The following STRN variants were observed in gnomAD, a reference collection of about 807,000 sequenced individuals.
STRN encodes striatin.
STRN carries 53 observed loss-of-function variants against 96.3 expected under a neutral mutation model. The ratio of observed to expected loss-of-function variants is 0.55; its 90% CI spans 0.44 to 0.69. The LOEUF (loss-of-function observed/expected upper bound fraction) is 0.69, where lower values mean the gene tolerates loss of function less well. Ranked by LOEUF, STRN falls within the 30% of genes least tolerant of loss-of-function variation. The probability of loss-of-function intolerance (pLI) is 0.00; values close to 1 mark genes in which losing one functional copy is unlikely to be tolerated. For synonymous variants in STRN, 428 were observed against 355.9 expected, an observed-to-expected ratio of 1.20 and a Z score of -2.28; for missense variants, 987 against 963.9, an observed-to-expected ratio of 1.02 and a Z score of -0.32.
chr2:36,917,538 GAA>G (rs576754026), intron 2 of STRN, among the ~76,000 whole-genome samples: 2 of 88,666 alleles, frequency 2.3e-5, no homozygotes, highest in African/African-American at 3.4e-5. Context: ...ACAAAAAAAA[GAA>G]AAAAAAAAAA....
chr2:36,966,327 T>G lies in STRN; in HGVS notation c.137A>C (p.Gln46Pro), dbSNP rs928484736. ...GTGCAGGATCCCCGGGAGACTGTAC[T>G]GGGCTCGGGCCGCCCCCGCCGCAGC... is the stretch of plus-strand genomic sequence containing the variant. ...GAAAAGAARA[Q>P]YSLPGILHFL... is the part of the protein sequence containing the mutation. The change falls in exon 1 of 18, where the codon CAG becomes CCG. Residue 46 changes from glutamine to proline, a missense_variant. Transcript: ENST00000263918. 6.0e-6 allele frequency: 9 copies of G among 1,506,778 alleles called. No homozygotes were observed. Among genetic ancestry groups the G allele is most frequent in the Non-Finnish European group, 8.0e-6 (9 of 1,129,728 alleles). 93.3% of individuals were successfully genotyped at this position (1,506,778 alleles called of 1,614,324 possible).
chr2:36,953,418 T>C (rs1457483074), intron 1 of STRN, among the ~76,000 whole-genome samples: 1 of 151,614 alleles, frequency 6.6e-6, no homozygotes, highest in Non-Finnish European at 1.5e-5. Context: ...TTTTTTTTTT[T>C]TGGAAATGCA....
intron 9 of STRN, 150 bp from the exon 10 acceptor site, chr2:36,878,177 A>G: frequency 2.4e-6 from 2 of 841,766 alleles, no homozygotes; most frequent in African/African-American, 1.7e-5. Context: ...TGAGCAGAAA[A>G]TCCTAAATAA....
chr2:36,895,325 TAA>T (rs763314498), intron 6 of STRN, among the ~76,000 whole-genome samples: 3 of 134,422 alleles, frequency 2.2e-5, no homozygotes, highest in Non-Finnish European at 3.2e-5. Flanking sequence ...AGACTCCGTC[TAA>T]AAAAAAAAAA....
At chr2:36,855,092 T>C in intron 15 of STRN, 120 bp downstream of exon 15, 1 of 1,075,242 alleles carries the variant, frequency 9.3e-7, no homozygotes, top group Non-Finnish European at 1.3e-6. Flanking sequence ...AACTGTGTTC[T>C]GAAAGTTAAG....
In STRN at chr2:36,849,427, C is replaced by G. The variant is rs901977489; in HGVS notation, c.*29G>C. ...TTGTGTGCAGTTGATTACTTATAAACAGCTAGAAGGTGAAGATGATGCATT... is the reference window on the plus strand; with the variant it reads ...TTGTGTGCAGTTGATTACTTATAAAGAGCTAGAAGGTGAAGATGATGCATT... On this transcript the variant is annotated 3_prime_UTR_variant, in exon 18 of 18. Transcript: ENST00000263918. 1 of 1,611,064 alleles carries G rather than the reference C, an allele frequency of 6.2e-7. No individual in the cohort carries two copies. Among genetic ancestry groups the G allele is most frequent in the African/African-American group, 1.3e-5 (1 of 74,920 alleles).
rs896117995 is a variant in STRN, at chr2:36,844,848, GT to G, written c.*4607del. 3 of 152,062 alleles carry G rather than the reference GT, an allele frequency of 2.0e-5. No homozygotes were observed. The highest frequency in any genetic ancestry group is 4.8e-5 in the African/African-American group (2 of 41,406). 9.4% of individuals were successfully genotyped at this position (152,062 alleles called of 1,614,324 possible). On this transcript the variant is annotated 3_prime_UTR_variant, in exon 18 of 18. Coordinates refer to ENST00000263918, the MANE Select transcript of STRN (RefSeq NM_003162.4). ...CAAATTGACGAATGACCTGTCCTTT[GT>G]TTTTAAACACAGATACGTTTTTCTG...
chr2:36,928,532 T>C (rs1250634327), intron 1 of STRN, among the ~76,000 whole-genome samples: 1 of 151,164 alleles, frequency 6.6e-6, no homozygotes, highest in East Asian at 1.9e-4. Context: ...GGCACCTGTA[T>C]TCCCAGCTAC....
At chr2:36,858,606 G>A (rs1668407236) in intron 13 of STRN, among the ~76,000 whole-genome samples, 3 of 152,172 alleles carry the variant, frequency 2.0e-5, no homozygotes, top group South Asian at 4.1e-4. Context: ...AGGGAAGTGG[G>A]GAGGTTAAGC....
intron 1 of STRN, among the ~76,000 whole-genome samples, chr2:36,950,208 G>T (rs1420538841): frequency 1.3e-4 from 16 of 124,084 alleles, no homozygotes; most frequent in African/African-American, 6.0e-5. Flanking sequence ...GGTTGGTTTG[G>T]TTTTGTTTTT....
chr2:36,930,110 C>G (rs535061643), intron 1 of STRN, among the ~76,000 whole-genome samples: 1 of 152,272 alleles, frequency 6.6e-6, no homozygotes, highest in Admixed American at 6.5e-5. Context: ...CACATAATCA[C>G]TGCCTGTAGC....
chr2:36,956,332 G>A (rs1300522695), intron 1 of STRN, among the ~76,000 whole-genome samples: 1 of 151,980 alleles, frequency 6.6e-6, no homozygotes, highest in Admixed American at 6.6e-5. Flanking sequence ...TGCTTAGTAG[G>A]GATATTATCA....
At chr2:36,947,628 G>C (rs1415851276) in intron 1 of STRN, among the ~76,000 whole-genome samples, 1 of 150,106 alleles carries the variant, frequency 6.7e-6, no homozygotes, top group Non-Finnish European at 1.5e-5. Flanking sequence ...ATGTAGAACT[G>C]TGTTCTACAA....
intron 1 of STRN, among the ~76,000 whole-genome samples, chr2:36,935,542 C>A (rs1670680259): frequency 6.6e-6 from 1 of 152,152 alleles, no homozygotes; most frequent in Non-Finnish European, 1.5e-5. Context: ...TCATCCCAAA[C>A]CAGATAAGCC....
intron 1 of STRN, among the ~76,000 whole-genome samples, chr2:36,940,292 T>G (rs908042814): frequency 3.3e-5 from 5 of 152,146 alleles, no homozygotes; most frequent in African/African-American, 1.2e-4. Flanking sequence ...AGGTGAATAT[T>G]AGTCAATATT....
At chr2:36,948,397 G>A (rs1047251207) in intron 1 of STRN, among the ~76,000 whole-genome samples, 3 of 152,066 alleles carry the variant, frequency 2.0e-5, no homozygotes, top group Non-Finnish European at 4.4e-5. Context: ...ACCGCGTCCA[G>A]CCAGTTATCA....
chr2:36,870,935 A>C (rs1486380097), intron 10 of STRN, among the ~76,000 whole-genome samples: 3 of 152,160 alleles, frequency 2.0e-5, no homozygotes, highest in African/African-American at 7.2e-5. Context: ...GGCCTAGGTT[A>C]ATATGCGTAT....
rs560543235 is a variant in STRN at position 36,953,670 on chromosome 2, G to C, written c.234+12560C>G. On this transcript the variant is annotated intron_variant, in intron 1 of 17. Transcript: ENST00000263918. ...AACCACCTCGGCCTCCCAAAGTGCTGGGATTACAGGCGTGAGCCACCGTGC... is the reference window on the plus strand; with the variant it reads ...AACCACCTCGGCCTCCCAAAGTGCTCGGATTACAGGCGTGAGCCACCGTGC... 2.0e-3 allele frequency among the ~76,000 whole-genome samples: 305 copies of C among 152,214 alleles called. 1 individual carries two copies. Among genetic ancestry groups the C allele is most frequent in the African/African-American group, 7.1e-3 (295 of 41,518 alleles).
intron 1 of STRN, among the ~76,000 whole-genome samples, chr2:36,952,039 G>A (rs747166927): frequency 2.6e-5 from 4 of 152,038 alleles, no homozygotes; most frequent in Admixed American, 1.3e-4. Flanking sequence ...ATTTCGTCCC[G>A]AAAATACACA....
Sources: allele counts gnomAD v4.1 joint callset (sites outside exome capture counted in the v4.1 genomes callset), GRCh38; gene constraint gnomAD v4.1.1; transcripts MANE v1.5; gene names NCBI Gene and HGNC (gene_info 2026-07-23, HGNC 2026-07-21).